IFT88: variants seen among roughly 807,000 people sequenced by gnomAD.
The protein encoded by IFT88 is intraflagellar transport protein 88 homolog.
A neutral mutation model predicts 119.5 loss-of-function variants in IFT88; 74 were observed. The ratio of observed to expected loss-of-function variants is 0.62; its 90% confidence interval spans 0.51 to 0.75. The LOEUF (loss-of-function observed/expected upper bound fraction) is 0.75, where lower values mean the gene tolerates loss of function less well. Ranked by LOEUF, IFT88 falls within the 30% of genes least tolerant of loss-of-function variation. The probability of loss-of-function intolerance (pLI) is 0.00; values close to 1 mark genes in which losing one functional copy is unlikely to be tolerated. For missense variants in IFT88, 961 were observed against 977.7 expected (o/e 0.98, Z 0.23); for synonymous variants, 279 against 316.7 (o/e 0.88, Z 1.26).
Position 20,574,455 on chromosome 13 carries a change from A to T in IFT88, c.70A>T (p.Asn24Tyr). 4 of 1,602,684 alleles carry T rather than the reference A, an allele frequency of 2.5e-6. No individual in the cohort carries two copies. Among genetic ancestry groups the T allele is most frequent in the South Asian group, 1.1e-5 (1 of 90,184 alleles). The change falls in exon 2 of 26, where the codon AAT becomes TAT. Residue 24 changes from asparagine (N) to tyrosine (Y), a missense_variant. Transcript: ENST00000351808. ...TCTTTATTCCGGCTATAATGACTACAATCCAATCTATGATATCGAGGTAAC... is the reference window on the plus strand; with the variant it reads ...TCTTTATTCCGGCTATAATGACTACTATCCAATCTATGATATCGAGGTAAC... The part of the protein sequence containing the change: ...DDLYSGYNDY[N>Y]PIYDIEELEN...
At chr13:20,607,025 A>T (rs1178573010) in intron 13 of IFT88, among the ~76,000 whole-genome samples, 4 of 152,216 alleles carry the variant, frequency 2.6e-5, no homozygotes, top group African/African-American at 4.8e-5. Context: ...TTAAGAATTT[A>T]TATCAGGGGC....
chr13:20,657,762 A>AAAATAAATAAATAAATAAAT (rs532121643), intron 22 of IFT88, among the ~76,000 whole-genome samples: 1 of 151,040 alleles, frequency 6.6e-6, no homozygotes, highest in African/African-American at 2.5e-5. Flanking sequence ...ATTCTGTCTC[A>AAAATAAATAAATAAATAAAT]AAATAAATAA....
intron 12 of IFT88, among the ~76,000 whole-genome samples, chr13:20,602,206 C>CTTTTTTTTTTTTT (rs11458148): frequency 8.5e-6 from 1 of 118,186 alleles, no homozygotes; most frequent in Non-Finnish European, 1.7e-5. Flanking sequence ...AGCATAATAT[C>CTTTTTTTTTTTTT]TTTTTTTTTT....
intron 22 of IFT88, 38 bp downstream of exon 22, chr13:20,656,468 G>A: frequency 1.0e-6 from 1 of 987,176 alleles, no homozygotes; most frequent in Non-Finnish European, 1.5e-6. Context: ...GAAGTGATAA[G>A]TTCTCATATT....
chr13:20,691,340 A>T lies in IFT88; in HGVS notation c.*165A>T, dbSNP rs1385690444. 5.1e-6 allele frequency: 3 copies of T among 584,558 alleles called. No individual in the cohort carries two copies. The highest frequency in any genetic ancestry group is 5.6e-6 in the Non-Finnish European group (2 of 359,348). The allele number at this position is 584,558 out of a possible 1,614,324, so 36.2% of individuals were successfully genotyped here. A position where few individuals can be genotyped will look rare whatever the true frequency, so the allele number is the denominator to read the frequency against. ...TGCATTTAAGTTGTTTTTTTCTTTT[A>T]AGGAATAAAAACAGGTAAAACTAAT... On this transcript the variant is annotated 3_prime_UTR_variant, in exon 26 of 26. Coordinates refer to ENST00000351808, the MANE Select transcript of IFT88 (RefSeq NM_006531.5).
chr13:20,659,921 C>T (rs540683944), intron 22 of IFT88, among the ~76,000 whole-genome samples: 2 of 152,274 alleles, frequency 1.3e-5, no homozygotes, highest in Admixed American at 6.5e-5. Flanking sequence ...GGATTACAGG[C>T]GTGAGCCACC....
chr13:20,597,677 G>T (rs2041937120), intron 9 of IFT88, among the ~76,000 whole-genome samples: 1 of 151,538 alleles, frequency 6.6e-6, no homozygotes, highest in South Asian at 2.1e-4. Flanking sequence ...CCGGGAGGCG[G>T]AGCTTGCGGC....
intron 22 of IFT88, among the ~76,000 whole-genome samples, chr13:20,661,514 T>C (rs1216791989): frequency 1.3e-5 from 2 of 152,078 alleles, no homozygotes; most frequent in African/African-American, 4.8e-5. Context: ...GACGGGCGAA[T>C]CACGAGCCAG....
At chr13:20,663,037 TC>T (rs1262813695) in intron 22 of IFT88, among the ~76,000 whole-genome samples, 1 of 152,242 alleles carries the variant, frequency 6.6e-6, no homozygotes, top group Non-Finnish European at 1.5e-5. Context: ...TTTTTTATCT[TC>T]CTAGTGCTTT....
At chr13:20,605,192 C>T in intron 13 of IFT88, 87 bp downstream of exon 13, 1 of 514,254 alleles carries the variant, frequency 1.9e-6, no homozygotes, top group Non-Finnish European at 3.4e-6. Flanking sequence ...ATATTTGAAA[C>T]TTAAAATAAT....
intron 24 of IFT88, among the ~76,000 whole-genome samples, chr13:20,675,866 G>T (rs892395056): frequency 5.3e-5 from 8 of 152,172 alleles, no homozygotes; most frequent in Admixed American, 3.3e-4. Context: ...CAAAAATAGG[G>T]TGGGCCAGAT....
chr13:20,579,993 A>G (rs1002252649), intron 2 of IFT88, among the ~76,000 whole-genome samples: 2 of 152,222 alleles, frequency 1.3e-5, no homozygotes, highest in African/African-American at 4.8e-5. Flanking sequence ...AAAACTAGTA[A>G]TCCCATCACT....
rs1156361076 is a variant in IFT88 at position 20,608,812 on chromosome 13, C to G, written c.1112+3707C>G. 6.6e-5 allele frequency among the ~76,000 whole-genome samples: 10 copies of G among 152,318 alleles called. No individual in the cohort carries two copies. In the East Asian group the frequency reaches 1.9e-3, roughly 29 times the overall value. ...TGCAATTAGCATCCAATTCTTGCAG[C>G]CTTGCAGCCTGGTGCTCTGCCCTGC... On this transcript the variant is annotated intron_variant, in intron 13 of 25. Coordinates refer to ENST00000351808, the MANE Select transcript of IFT88 (RefSeq NM_006531.5).
chr13:20,641,375 A>C lies in IFT88; in HGVS notation c.1659A>C (p.Glu553Asp). 1 of 1,610,490 alleles carries C rather than the reference A, an allele frequency of 6.2e-7. No homozygotes were observed. ...ACGCAATCCTACGAAACAGTGCCGA[A>C]GTTCTTTACCAGATAGCAAATATGT... ...KLHAILRNSA[E>D]VLYQIANIYE... Residue 553 changes from glutamate to aspartate, a missense_variant, in exon 18 of 26, where the codon GAA becomes GAC. Coordinates refer to ENST00000351808, the MANE Select transcript of IFT88 (RefSeq NM_006531.5).
chr13:20,690,618 G>A (rs115942298), intron 24 of IFT88, 87 bp from the exon 25 acceptor site: 7 of 842,748 alleles, frequency 8.3e-6, no homozygotes, highest in South Asian at 1.5e-5. Flanking sequence ...TTGTTTCTTG[G>A]CAAATAAGTA....
intron 20 of IFT88, among the ~76,000 whole-genome samples, chr13:20,648,066 A>G (rs548990753): frequency 2.0e-5 from 3 of 152,022 alleles, no homozygotes; most frequent in African/African-American, 2.4e-5. Context: ...TTAAAAGCAA[A>G]CAAACAAACA....
chr13:20,601,243 A>T (rs909461740), intron 11 of IFT88, among the ~76,000 whole-genome samples: 1 of 152,110 alleles, frequency 6.6e-6, no homozygotes, highest in African/African-American at 2.4e-5. Flanking sequence ...GCATGTGCCT[A>T]TAATCCCAGC....
intron 18 of IFT88, 44 bp downstream of exon 18, chr13:20,641,442 A>C (rs1485170764): frequency 8.7e-7 from 1 of 1,142,894 alleles, no homozygotes; most frequent in Non-Finnish European, 1.3e-6. Flanking sequence ...AATTCTCTCA[A>C]TTGGTGATTG....
At position 20,664,947 on chromosome 13, in the gene IFT88, A is replaced by C. The variant is rs189756302; in HGVS notation, c.2175+1343A>C. Reference sequence around the variant, plus strand: ...ACAAAAAATTAGCCAGGCGTGGTGGAGGGCACCTGTAGTCCCAGCTACTTG... The same window carrying C: ...ACAAAAAATTAGCCAGGCGTGGTGGCGGGCACCTGTAGTCCCAGCTACTTG... On this transcript the variant is annotated intron_variant, in intron 23 of 25. Transcript: ENST00000351808. 1.3e-4 allele frequency among the ~76,000 whole-genome samples: 19 copies of C among 151,798 alleles called. 1 individual carries two copies. The highest frequency in any genetic ancestry group is 8.3e-4 in the South Asian group (4 of 4,792).
Sources: gnomAD v4.1 joint callset for allele counts (sites outside exome capture counted in the v4.1 genomes callset) on GRCh38, gnomAD v4.1.1 for gene constraint, MANE v1.5 for transcripts, NCBI Gene and HGNC (gene_info 2026-07-23, HGNC 2026-07-21) for gene names.